The following MAF variants were observed in gnomAD, a reference collection of about 807,000 sequenced individuals.
The protein encoded by MAF is transcription factor Maf.
A neutral mutation model predicts 22.0 loss-of-function variants in MAF; 10 were observed. The ratio of observed to expected loss-of-function variants is 0.45; its 90% confidence interval spans 0.28 to 0.77. The LOEUF is 0.77. Ranked by LOEUF, MAF falls within the 30% of genes least tolerant of loss-of-function variation. The probability of loss-of-function intolerance (pLI) is 0.12; values close to 1 mark genes in which losing one functional copy is unlikely to be tolerated. For synonymous variants in MAF, 337 were observed against 255.8 expected (o/e 1.32, Z -3.03); for missense variants, 544 against 548.4 (o/e 0.99, Z 0.08).
the MAF span, among the ~76,000 whole-genome samples, chr16:79,544,794 C>G: frequency 6.9e-6 from 1 of 145,746 alleles, no homozygotes; most frequent in Non-Finnish European, 1.5e-5. Context: ...AAAAAAATGT[C>G]AGTAGCAACA....
the MAF span, among the ~76,000 whole-genome samples, chr16:79,223,425 C>T: frequency 1.6e-4 from 24 of 152,108 alleles, no homozygotes; most frequent in Admixed American, 3.9e-4. Context: ...GATCTAAAAT[C>T]GACACTCTAA....
At chr16:79,534,593 G>C in the MAF span, among the ~76,000 whole-genome samples, 36 of 152,050 alleles carry the variant, frequency 2.4e-4, no homozygotes, top group Non-Finnish European at 4.7e-4. Flanking sequence ...GTCATGGGAT[G>C]GGGGGAGGGA....
the MAF span, among the ~76,000 whole-genome samples, chr16:79,340,993 AC>A: frequency 6.6e-6 from 1 of 152,172 alleles, no homozygotes; most frequent in Non-Finnish European, 1.5e-5. Flanking sequence ...ATGAAGAGGG[AC>A]CAGCTATGCA....
At chr16:79,356,883 G>A in the MAF span, among the ~76,000 whole-genome samples, 3 of 152,170 alleles carry the variant, frequency 2.0e-5, no homozygotes, top group African/African-American at 7.2e-5. Context: ...CAACTTGTAT[G>A]AAGGTGAATG....
chr16:79,573,614 T>A, the MAF span, among the ~76,000 whole-genome samples: 1 of 152,246 alleles, frequency 6.6e-6, no homozygotes, highest in Non-Finnish European at 1.5e-5. Flanking sequence ...GTTCATTTTC[T>A]ACTGTATAGG....
chr16:79,256,454 G>A, the MAF span, among the ~76,000 whole-genome samples: 2 of 152,084 alleles, frequency 1.3e-5, no homozygotes, highest in Non-Finnish European at 2.9e-5. Flanking sequence ...GCACATTCAG[G>A]ACTCATACTC....
chr16:79,291,042 G>A, the MAF span, among the ~76,000 whole-genome samples: 1 of 152,114 alleles, frequency 6.6e-6, no homozygotes, highest in African/African-American at 2.4e-5. Flanking sequence ...AGTGTAGTCA[G>A]GTCTGTGAAG....
the MAF span, among the ~76,000 whole-genome samples, chr16:79,491,275 G>C: frequency 1.3e-5 from 2 of 152,206 alleles, no homozygotes; most frequent in East Asian, 3.9e-4. Flanking sequence ...TGAGTGGGCA[G>C]TTAGAGGAAC....
the MAF span, among the ~76,000 whole-genome samples, chr16:79,507,592 T>C: frequency 1.4e-4 from 21 of 151,812 alleles, no homozygotes; most frequent in Admixed American, 5.2e-4. Flanking sequence ...GCCTGGCTAA[T>C]TTTTTTGTAT....
the MAF span, among the ~76,000 whole-genome samples, chr16:79,306,092 A>G: frequency 1.3e-5 from 2 of 152,226 alleles, no homozygotes; most frequent in Non-Finnish European, 2.9e-5. Flanking sequence ...GAGGCTGGAA[A>G]AGGTAACGTT....
At chr16:79,591,458 T>A (rs1597838212), downstream of MAF, among the ~76,000 whole-genome samples, 2 of 152,140 alleles carry the variant, frequency 1.3e-5, no homozygotes, top group Non-Finnish European at 2.9e-5. Flanking sequence ...GATTTTGCAA[T>A]CCACAGTTCT....
the MAF span, among the ~76,000 whole-genome samples, chr16:79,393,050 T>G: frequency 6.6e-6 from 1 of 152,232 alleles, no homozygotes; most frequent in Non-Finnish European, 1.5e-5. Flanking sequence ...GACCACTGTC[T>G]GGGCCCCAGG....
the MAF span, among the ~76,000 whole-genome samples, chr16:79,459,576 CA>C: frequency 6.6e-6 from 1 of 151,866 alleles, no homozygotes; most frequent in South Asian, 2.1e-4. Context: ...TACTTATTCT[CA>C]CTTTTTTTTT....
chr16:79,438,593 T>C, the MAF span, among the ~76,000 whole-genome samples: 3 of 152,078 alleles, frequency 2.0e-5, no homozygotes, highest in Non-Finnish European at 4.4e-5. Context: ...GACAGGATTG[T>C]TTCCTCCATT....
the MAF span, among the ~76,000 whole-genome samples, chr16:79,493,691 G>T: frequency 2.0e-5 from 3 of 152,190 alleles, no homozygotes; most frequent in African/African-American, 7.2e-5. Flanking sequence ...CAAAAGAGTT[G>T]ATAAAAGGGT....
At chr16:79,210,580 C>T in the MAF span, among the ~76,000 whole-genome samples, 1 of 152,176 alleles carries the variant, frequency 6.6e-6, no homozygotes, top group Non-Finnish European at 1.5e-5. Flanking sequence ...TCCCTCTCAT[C>T]AGCTGAAAAT....
At chr16:79,272,223 G>A in the MAF span, among the ~76,000 whole-genome samples, 1 of 152,216 alleles carries the variant, frequency 6.6e-6, no homozygotes, top group East Asian at 1.9e-4. Flanking sequence ...GGCGTTGAGC[G>A]GTGCTCTCTG....
chr16:79,280,121 A>C, the MAF span, among the ~76,000 whole-genome samples: 11 of 152,196 alleles, frequency 7.2e-5, no homozygotes, highest in African/African-American at 2.4e-4. Context: ...ACCAGAAGTG[A>C]TTTTCAGCTC....
At chr16:79,219,120 G>A in the MAF span, among the ~76,000 whole-genome samples, 2 of 152,140 alleles carry the variant, frequency 1.3e-5, no homozygotes, top group East Asian at 3.9e-4. Context: ...GAGAATAAAA[G>A]CTCCTTTTAA....
Sources: allele counts gnomAD v4.1 joint callset (sites outside exome capture counted in the v4.1 genomes callset), GRCh38; gene constraint gnomAD v4.1.1; transcripts MANE v1.5; gene names NCBI Gene and HGNC (gene_info 2026-07-23, HGNC 2026-07-21).